L2HGDH: variants seen among roughly 807,000 people sequenced by gnomAD.
The protein encoded by L2HGDH is L-2-hydroxyglutarate dehydrogenase, mitochondrial.
A neutral mutation model predicts 51.5 loss-of-function variants in L2HGDH; 34 were observed. The ratio of observed to expected loss-of-function variants is 0.66; its 90% CI spans 0.50 to 0.88. L2HGDH has a LOEUF of 0.88. Among genes scored for constraint, L2HGDH ranks in the 40% least tolerant of loss-of-function variants. L2HGDH has a pLI of 0.00. For missense variants in L2HGDH, 558 were observed against 571.9 expected, an observed-to-expected ratio of 0.98 and a Z score of 0.25; for synonymous variants, 198 against 197.9, an observed-to-expected ratio of 1.00 and a Z score of -0.01.
chr14:50,310,943 T>C (rs1395082012), intron 1 of L2HGDH, among the ~76,000 whole-genome samples: 58 of 132,720 alleles, frequency 4.4e-4, no homozygotes, highest in East Asian at 2.1e-3. Context: ...TTTCTTTTTT[T>C]TTTTTTTTTT....
At chr14:50,269,934 G>A (rs961015290) in intron 6 of L2HGDH, among the ~76,000 whole-genome samples, 1 of 152,152 alleles carries the variant, frequency 6.6e-6, no homozygotes, top group South Asian at 2.1e-4. Flanking sequence ...CACTGAAGTC[G>A]AAGGGCCTGT....
At chr14:50,296,348 G>A (rs1263130787) in intron 3 of L2HGDH, among the ~76,000 whole-genome samples, 1 of 140,604 alleles carries the variant, frequency 7.1e-6, no homozygotes, top group East Asian at 2.0e-4. Flanking sequence ...ACTCCATCCT[G>A]GGTGACAAAG....
chr14:50,278,721 C>CT (rs1890104594), intron 5 of L2HGDH, among the ~76,000 whole-genome samples, 167 bp from the exon 6 acceptor site: 1 of 152,198 alleles, frequency 6.6e-6, no homozygotes, highest in Non-Finnish European at 1.5e-5. Flanking sequence ...CTAGTTCATA[C>CT]TTAACAACAT....
At chr14:50,275,732 TA>T (rs1162049600) in intron 6 of L2HGDH, among the ~76,000 whole-genome samples, 2 of 152,232 alleles carry the variant, frequency 1.3e-5, no homozygotes, top group East Asian at 3.8e-4. Flanking sequence ...CCATGTGCTC[TA>T]AATCAGTGAC....
In L2HGDH at chr14:50,247,105, T is replaced by C. The variant is rs1408703170; in HGVS notation, c.1345A>G (p.Ile449Val). 6.8e-6 allele frequency: 11 copies of C among 1,613,796 alleles called. No individual in the cohort carries two copies. The highest frequency in any genetic ancestry group is 2.2e-5 in the East Asian group (1 of 44,896). Residue 449 changes from isoleucine to valine, a missense_variant, in exon 10 of 10, where the codon ATT (isoleucine) becomes GTT (valine). Transcript: ENST00000267436. ...ACTTCATCTGCAATCATTCCAGAAA[T>C]TGCAATGGAAGAAGTAGCAGCAGGA... ...PSPAATSSIA[I>V]SGMIADEVQQ...
intron 9 of L2HGDH, among the ~76,000 whole-genome samples, chr14:50,248,004 T>G (rs1427386791): frequency 6.6e-6 from 1 of 152,106 alleles, no homozygotes; most frequent in Non-Finnish European, 1.5e-5. Flanking sequence ...TTCCCTACGT[T>G]GCCCAGGCTG....
intron 3 of L2HGDH, among the ~76,000 whole-genome samples, chr14:50,300,356 G>A (rs1419456001): frequency 2.0e-5 from 3 of 151,820 alleles, no homozygotes; most frequent in East Asian, 3.9e-4. Context: ...ATTCAGTGGT[G>A]TGGTCTCGCC....
chr14:50,311,472 C>A (rs1334272792), intron 1 of L2HGDH: 1 of 456,124 alleles, frequency 2.2e-6, no homozygotes, highest in Non-Finnish European at 4.4e-6. Context: ...TCGAATGTGA[C>A]GTCCAAACTA....
At chr14:50,253,168 A>G (rs1226858085) in intron 9 of L2HGDH, among the ~76,000 whole-genome samples, 1 of 152,124 alleles carries the variant, frequency 6.6e-6, no homozygotes, top group Non-Finnish European at 1.5e-5. Context: ...AAATTAAACA[A>G]TATGATCCAG....
In L2HGDH at chr14:50,278,524, G is replaced by A; in HGVS notation, c.734C>T (p.Thr245Ile). 6.7e-7 allele frequency: 1 copy of A among 1,498,450 alleles called. No homozygotes were observed. The highest frequency in any genetic ancestry group is 1.4e-5 in the African/African-American group (1 of 72,336). The allele number at this position is 1,498,450 out of a possible 1,614,324, so 92.8% of individuals were successfully genotyped here. Residue 245 changes from threonine to isoleucine, a missense_variant, in exon 6 of 10, where the codon ACA becomes ATA. Physicochemically the swap from Thr to Ile is moderately conservative, Grantham distance 89. Transcript: ENST00000267436. ...GMQYPIVIKN[T>I]KGEEIRCQYV... Reference sequence around the variant, plus strand: ...GTTTTGCTTAAGAATCTTTACCTTTGTATTCTTTATAACAATTGGATATTG... The same window carrying A: ...GTTTTGCTTAAGAATCTTTACCTTTATATTCTTTATAACAATTGGATATTG...
Position 50,243,700 on chromosome 14 carries a change from A to C in L2HGDH, c.*3358T>G, listed in dbSNP as rs181913425. ...ATATATATATATTGTTTATTATTAT[A>C]CTTTAAGTTTTAGGGTACATGTGCA... On this transcript the variant is annotated 3_prime_UTR_variant, in exon 10 of 10. Transcript: ENST00000267436. 1.4e-4 allele frequency: 30 copies of C among 219,886 alleles called. No homozygotes were observed. The highest frequency in any genetic ancestry group is 2.1e-4 in the Non-Finnish European group (28 of 133,082). The allele number at this position is 219,886 out of a possible 1,614,324, so 13.6% of individuals were successfully genotyped here.
At chr14:50,283,763 T>A in intron 5 of L2HGDH, 108 bp downstream of exon 5, 1 of 913,640 alleles carries the variant, frequency 1.1e-6, no homozygotes, top group Non-Finnish European at 1.7e-6. Flanking sequence ...TTTTTTATTG[T>A]TTTTTTTCCC....
Position 50,279,116 on chromosome 14 carries a change from T to C in L2HGDH, c.704-562A>G, listed in dbSNP as rs77894005. On this transcript the variant is annotated intron_variant, in intron 5 of 9. Coordinates refer to ENST00000267436, the MANE Select transcript of L2HGDH (RefSeq NM_024884.3). ...AATACAATCTACTTGTATCACAAAT[T>C]TGGTTTATTATGCTACCTACCTAAA... is the stretch of plus-strand genomic sequence containing the variant. Among the ~76,000 whole-genome samples the C allele has an allele frequency of 3.8e-3, 582 of 152,354 alleles. 3 individuals carry two copies. Among genetic ancestry groups the C allele is most frequent in the Admixed American group, 6.2e-3 (95 of 15,306 alleles).
In L2HGDH at chr14:50,259,527, T is replaced by C. The variant is rs115145067; in HGVS notation, c.1196+5831A>G. Reference sequence around the variant, plus strand: ...GCCCGGCCTCAATGTGTATTTCTTTTAAAAAGATTCTTAAAAATTATCCAG... The same window carrying C: ...GCCCGGCCTCAATGTGTATTTCTTTCAAAAAGATTCTTAAAAATTATCCAG... On this transcript the variant is annotated intron_variant, in intron 9 of 9. Coordinates refer to ENST00000267436, the MANE Select transcript of L2HGDH (RefSeq NM_024884.3). Among the ~76,000 whole-genome samples the C allele has an allele frequency of 2.3e-3, 343 of 151,816 alleles. 4 individuals are homozygous for C. Among genetic ancestry groups the C allele is most frequent in the African/African-American group, 7.3e-3 (304 of 41,446 alleles).
At position 50,294,124 on chromosome 14, in the gene L2HGDH, T is replaced by C. The variant is rs1566533666; in HGVS notation, c.531A>G (p.Pro177=). The C allele has an allele frequency of 1.4e-5, 22 of 1,613,974 alleles. No homozygotes were observed. Among genetic ancestry groups the C allele is most frequent in the Admixed American group, 8.3e-5 (5 of 60,022 alleles). ...IQQEDIKKKE[P]YCRGLMAIDC... ...TTTGTTAATCACTTACCCTACAATATGGCTCCTTCTTTTTTATATCCTCCT... is the reference window on the plus strand; with the variant it reads ...TTTGTTAATCACTTACCCTACAATACGGCTCCTTCTTTTTTATATCCTCCT... The change falls in exon 4 of 10, where the codon CCA becomes CCG. Residue 177 remains proline (P), a synonymous_variant. Transcript: ENST00000267436.
chr14:50,248,679 G>A (rs1888152961), intron 9 of L2HGDH, among the ~76,000 whole-genome samples: 1 of 152,162 alleles, frequency 6.6e-6, no homozygotes, highest in South Asian at 2.1e-4. Flanking sequence ...AGGGAATCTG[G>A]ACAAGAGATT....
chr14:50,279,469 G>C (rs910985157), intron 5 of L2HGDH, among the ~76,000 whole-genome samples: 2 of 152,108 alleles, frequency 1.3e-5, no homozygotes, highest in Non-Finnish European at 2.9e-5. Context: ...ACTTGGATGT[G>C]TCTAAGAATC....
chr14:50,273,124 T>A (rs1042462180), intron 6 of L2HGDH, among the ~76,000 whole-genome samples: 3 of 152,202 alleles, frequency 2.0e-5, no homozygotes, highest in Non-Finnish European at 4.4e-5. Context: ...TTTGGCTAGA[T>A]GGACAGGGAA....
At position 50,247,009 on chromosome 14, in the gene L2HGDH, C is replaced by T; in HGVS notation, c.*49G>A. ...AATTAAAGAATGCAATTAGTACATT[C>T]TTGTTGCTGACATGAAGATTACAGT... is the stretch of plus-strand genomic sequence containing the variant. On this transcript the variant is annotated 3_prime_UTR_variant, in exon 10 of 10. Transcript: ENST00000267436. 6.3e-7 allele frequency: 1 copy of T among 1,588,224 alleles called. No homozygotes were observed. Among genetic ancestry groups the T allele is most frequent in the Non-Finnish European group, 8.6e-7 (1 of 1,163,744 alleles).
Sources: allele counts gnomAD v4.1 joint callset (sites outside exome capture counted in the v4.1 genomes callset), GRCh38; gene constraint gnomAD v4.1.1; transcripts MANE v1.5; gene names NCBI Gene and HGNC (gene_info 2026-07-23, HGNC 2026-07-21).